Variants in SERPINI2 observed in about 807,000 individuals in gnomAD.
SERPINI2 encodes serpin family I member 2.
In SERPINI2, 48 loss-of-function variants were observed where a neutral mutation model predicts 47.3. The ratio of observed to expected loss-of-function variants is 1.02; its 90% CI spans 0.81 to 1.29. The LOEUF is 1.29. Among genes scored for constraint, SERPINI2 ranks in the 50% most tolerant of loss-of-function variants. SERPINI2 has a pLI of 0.00. For missense variants in SERPINI2, 448 were observed against 456.9 expected (o/e 0.98, Z 0.18); for synonymous variants, 135 against 149.3 (o/e 0.90, Z 0.70).
chr3:167,467,100 C>A lies in SERPINI2; in HGVS notation c.433G>T (p.Ala145Ser), dbSNP rs61750374. Reference sequence around the variant, plus strand: ...CAGGTACTTATCATCTCTGCACAAGCCTTTGCATCTTGAAAATCCACCAGT... The same window carrying A: ...CAGGTACTTATCATCTCTGCACAAGACTTTGCATCTTGAAAATCCACCAGT... Residue 145 changes from alanine (A) to serine (S), a missense_variant, in exon 3 of 9, where the codon GCT becomes TCT. Ala to Ser is a moderately conservative substitution (Grantham distance 99, BLOSUM62 1). Transcript: ENST00000264677. The A allele has an allele frequency of 6.0e-4, 965 of 1,613,400 alleles. 2 individuals are homozygous for A. Among genetic ancestry groups the A allele is most frequent in the Non-Finnish European group, 7.2e-4 (848 of 1,179,668 alleles).
intron 5 of SERPINI2, among the ~76,000 whole-genome samples, chr3:167,459,379 G>A (rs566411666): frequency 1.4e-4 from 22 of 152,100 alleles, no homozygotes; most frequent in African/African-American, 5.1e-4. Context: ...CGGCCCCAAA[G>A]GAAGTTTTAT....
In SERPINI2 at chr3:167,446,488, A is replaced by G; in HGVS notation, c.1052-7T>C. On this transcript the variant is annotated splice_polypyrimidine_tract_variant and splice_region_variant and intron_variant, in intron 7 of 8. Coordinates refer to ENST00000264677, the Ensembl canonical transcript of SERPINI2. Reference sequence around the variant, plus strand: ...ATCACAGGGATGTGTATGCCTATAAAATAGAGACAACAGTTATTTAGATAC... The same window carrying G: ...ATCACAGGGATGTGTATGCCTATAAGATAGAGACAACAGTTATTTAGATAC... 1 of 1,534,158 alleles carries G rather than the reference A, an allele frequency of 6.5e-7. No homozygotes were observed.
At chr3:167,462,318 T>C (rs1750005102) in intron 5 of SERPINI2, among the ~76,000 whole-genome samples, 1 of 152,198 alleles carries the variant, frequency 6.6e-6, no homozygotes, top group African/African-American at 2.4e-5. Flanking sequence ...AAATAACAAA[T>C]AGATTGTCTC....
At chr3:167,441,978 A>G in exon 9 of SERPINI2, 1 of 585,850 alleles carries the variant, frequency 1.7e-6, no homozygotes, top group Non-Finnish European at 2.8e-6. Flanking sequence ...CAAGACAGAT[A>G]TCTATTACTA....
chr3:167,445,351 T>C (rs1051039751), intron 8 of SERPINI2, among the ~76,000 whole-genome samples: 6 of 152,220 alleles, frequency 3.9e-5, no homozygotes, highest in Non-Finnish European at 8.8e-5. Flanking sequence ...CTCATTCATA[T>C]TTATTAATTT....
chr3:167,443,298 A>G (rs1749381511), intron 8 of SERPINI2, among the ~76,000 whole-genome samples: 1 of 152,020 alleles, frequency 6.6e-6, no homozygotes, highest in Non-Finnish European at 1.5e-5. Context: ...TAGTAGAGAC[A>G]GGGCTTCACC....
chr3:167,473,998 C>T lies in SERPINI2; in HGVS notation c.-11+5G>A. The T allele has an allele frequency of 8.8e-7, 1 of 1,138,426 alleles. No homozygotes were observed. The highest frequency in any genetic ancestry group is 1.1e-6 in the Non-Finnish European group (1 of 928,364). 70.5% of individuals were successfully genotyped at this position (1,138,426 alleles called of 1,614,324 possible). A position where few individuals can be genotyped will look rare whatever the true frequency, so the allele number is the denominator to read the frequency against. The stretch of plus-strand genomic sequence containing the variant: ...TCAAAAGCTATTTATTTCTAAGGTA[C>T]TTACCCCAAACTGACTTCTGATTAT... On this transcript the variant is annotated splice_donor_5th_base_variant and intron_variant, in intron 1 of 8. Coordinates refer to ENST00000264677, the Ensembl canonical transcript of SERPINI2.
intron 2 of SERPINI2, among the ~76,000 whole-genome samples, chr3:167,469,870 T>C (rs1217068937): frequency 6.6e-6 from 1 of 152,170 alleles, no homozygotes; most frequent in East Asian, 1.9e-4. Context: ...ATTTAACCTT[T>C]CTTTGCCTCA....
At chr3:167,445,970 A>G (rs6805757) in intron 8 of SERPINI2, among the ~76,000 whole-genome samples, 3,994 of 152,256 alleles carry the variant, frequency 0.026, 174 homozygotes, top group African/African-American at 0.09. Context: ...TCCACCTCTG[A>G]ATTCTTTCAC....
chr3:167,473,872 T>TA (rs1218155976), intron 1 of SERPINI2, 131 bp downstream of exon 1: 1 of 1,202,322 alleles, frequency 8.3e-7, no homozygotes, highest in Non-Finnish European at 1.1e-6. Context: ...AGCGATATGT[T>TA]AATTAAATAA....
chr3:167,449,557 C>T (rs548600424), intron 6 of SERPINI2, among the ~76,000 whole-genome samples, 155 bp from the exon 7 acceptor site: 2 of 152,194 alleles, frequency 1.3e-5, no homozygotes, highest in East Asian at 1.9e-4. Context: ...TACACTGGCA[C>T]GATCTCAGCT....
intron 5 of SERPINI2, among the ~76,000 whole-genome samples, chr3:167,454,592 G>A (rs1189721202): frequency 2.0e-5 from 3 of 152,062 alleles, no homozygotes; most frequent in Non-Finnish European, 2.9e-5. Context: ...GGCTATAATA[G>A]TCCAATAATT....
intron 6 of SERPINI2, among the ~76,000 whole-genome samples, chr3:167,452,630 A>T (rs1181072020): frequency 1.3e-5 from 2 of 152,260 alleles, no homozygotes; most frequent in African/African-American, 4.8e-5. Context: ...AATTCCCATT[A>T]TTCAGATGAG....
chr3:167,466,632 T>G (rs541728419), intron 3 of SERPINI2, among the ~76,000 whole-genome samples: 26 of 152,264 alleles, frequency 1.7e-4, no homozygotes, highest in African/African-American at 6.3e-4. Flanking sequence ...ATATTAACAT[T>G]TATTATTAAA....
intron 5 of SERPINI2, among the ~76,000 whole-genome samples, chr3:167,455,380 T>C (rs1749754736): frequency 6.6e-6 from 1 of 152,194 alleles, no homozygotes; most frequent in Admixed American, 6.5e-5. Flanking sequence ...GTTTTAAGAA[T>C]GACCTACTTC....
rs142698351 is a variant in SERPINI2, at chr3:167,458,002, T to A, written c.867-4969A>T. On this transcript the variant is annotated intron_variant, in intron 5 of 8. Transcript: ENST00000264677. ...TGAACAATTCTGACTACTACATAGA[T>A]CTTTCTAAAACACTGACTTAATCAT... 7.5e-4 allele frequency among the ~76,000 whole-genome samples: 114 copies of A among 152,322 alleles called. No individual in the cohort carries two copies. The East Asian group carries it at 0.019, about 26-fold the overall frequency.
At chr3:167,467,774 G>A (rs1750181199) in intron 2 of SERPINI2, among the ~76,000 whole-genome samples, 1 of 152,192 alleles carries the variant, frequency 6.6e-6, no homozygotes, top group Non-Finnish European at 1.5e-5. Context: ...CACCTGTACA[G>A]GTTTTAAATT....
At chr3:167,448,963 A>G (rs1031875573) in intron 7 of SERPINI2, among the ~76,000 whole-genome samples, 1 of 152,196 alleles carries the variant, frequency 6.6e-6, no homozygotes, top group Non-Finnish European at 1.5e-5. Context: ...ATGAAATAAA[A>G]TACAATTACG....
At chr3:167,465,093 A>C (rs1750095484) in intron 5 of SERPINI2, 113 bp downstream of exon 5, 4 of 955,624 alleles carry the variant, frequency 4.2e-6, no homozygotes, top group Admixed American at 2.7e-5. Flanking sequence ...ATACATTTGT[A>C]TTTTCATTTG....
Sources: gnomAD v4.1 joint callset for allele counts (sites outside exome capture counted in the v4.1 genomes callset) on GRCh38, gnomAD v4.1.1 for gene constraint, MANE v1.5 for transcripts, NCBI Gene and HGNC (gene_info 2026-07-23, HGNC 2026-07-21) for gene names.